FAM47E: variants seen among roughly 807,000 people sequenced by gnomAD.
The protein encoded by FAM47E is family with sequence similarity 47 member E.
A neutral mutation model predicts 41.6 loss-of-function variants in FAM47E; 32 were observed. The ratio of observed to expected loss-of-function variants is 0.77; its 90% CI spans 0.58 to 1.03. The LOEUF (loss-of-function observed/expected upper bound fraction) is 1.03, where lower values mean the gene tolerates loss of function less well. Ranked by LOEUF, FAM47E falls within the 50% of genes least tolerant of loss-of-function variation. The pLI is 0.00. For synonymous variants in FAM47E, 184 were observed against 188.7 expected (o/e 0.98, Z 0.20); for missense variants, 424 against 485.4 (o/e 0.87, Z 1.19).
At chr4:76,267,840 T>C (rs1734705292) in intron 3 of FAM47E, 1 of 152,118 alleles carries the variant, frequency 6.6e-6, no homozygotes, top group African/African-American at 2.4e-5. Context: ...AACAGGCAAA[T>C]CTACGGAGAC....
rs1334019264 is a variant in FAM47E at position 76,258,129 on chromosome 4, AT to A, written c.420+1607del. On this transcript the variant is annotated intron_variant, in intron 2 of 7. Transcript: ENST00000424749. ...GCTTGGGATTGTGGCGCTTATTTCCATGTGTGACTTCTGCAAATAGGTGTGT... is the reference window on the plus strand; with the variant it reads ...GCTTGGGATTGTGGCGCTTATTTCCAGTGTGACTTCTGCAAATAGGTGTGT... 1.4e-4 allele frequency among the ~76,000 whole-genome samples: 22 copies of A among 152,232 alleles called. No homozygotes were observed. The South Asian group carries it at 4.4e-3, about 30-fold the overall frequency.
intron 2 of FAM47E, among the ~76,000 whole-genome samples, chr4:76,240,797 C>T (rs908291310): frequency 6.6e-6 from 1 of 152,082 alleles, no homozygotes; most frequent in African/African-American, 2.4e-5. Flanking sequence ...CCATTATGTT[C>T]ATACATCATT....
In FAM47E at chr4:76,242,492, A is replaced by G. The variant is rs72858576; in HGVS notation, c.82-21212A>G. On this transcript the variant is annotated intron_variant, in intron 2 of 7. Coordinates refer to the FAM47E transcript ENST00000510197. ...AAACAAACCACTTTATAAATTACCC[A>G]GCCTGAATATTTCTTTAGAGCAATG... Among the ~76,000 whole-genome samples, 1,446 of 152,304 alleles carry G rather than the reference A, an allele frequency of 9.5e-3. 24 individuals are homozygous for G. Among genetic ancestry groups the G allele is most frequent in the African/African-American group, 0.033 (1,371 of 41,568 alleles).
chr4:76,251,860 G>C (rs1057029253), intron 1 of FAM47E, 40 bp downstream of exon 1: 1 of 1,369,648 alleles, frequency 7.3e-7, no homozygotes, highest in African/African-American at 1.5e-5. Flanking sequence ...CATCCCACGC[G>C]GGCCGCGCGG....
intron 1 of FAM47E, among the ~76,000 whole-genome samples, chr4:76,252,803 C>G (rs1242771686): frequency 6.6e-6 from 1 of 152,118 alleles, no homozygotes; most frequent in African/African-American, 2.4e-5. Context: ...GTACCCTTCC[C>G]CTAGCTGCTT....
At chr4:76,244,789 C>T (rs1228325065) in intron 2 of FAM47E, among the ~76,000 whole-genome samples, 4 of 152,110 alleles carry the variant, frequency 2.6e-5, no homozygotes, top group Non-Finnish European at 4.4e-5. Flanking sequence ...CCACCCACCT[C>T]GGCCTCCCAA....
At chr4:76,256,052 C>T in intron 1 of FAM47E, 126 bp from the exon 2 acceptor site, 1 of 1,098,022 alleles carries the variant, frequency 9.1e-7, no homozygotes, top group Non-Finnish European at 1.3e-6. Flanking sequence ...TCCCACTTCC[C>T]CTACCCCCAA....
chr4:76,259,103 T>G (rs535874087), intron 2 of FAM47E, among the ~76,000 whole-genome samples: 23 of 152,260 alleles, frequency 1.5e-4, no homozygotes, highest in Admixed American at 1.0e-3. Flanking sequence ...ACAGAGTAAG[T>G]GAAAATGCAG....
chr4:76,249,746 G>T (rs1733911957), upstream of FAM47E, among the ~76,000 whole-genome samples: 1 of 151,582 alleles, frequency 6.6e-6, no homozygotes, highest in African/African-American at 2.4e-5. Flanking sequence ...TTACACCTTT[G>T]CATCCCCATA....
chr4:76,265,453 T>G (rs539856809), intron 3 of FAM47E, among the ~76,000 whole-genome samples: 6 of 152,322 alleles, frequency 3.9e-5, no homozygotes, highest in Non-Finnish European at 7.4e-5. Context: ...CTCTCTGTAT[T>G]GTTTTTGAAG....
intron 2 of FAM47E, chr4:76,217,803 A>G (rs1733239364): frequency 2.5e-6 from 1 of 404,660 alleles, no homozygotes; most frequent in Admixed American, 4.3e-5. Flanking sequence ...TCTGAGAAGA[A>G]CAAGTACACT....
rs1734190003 is a variant in FAM47E, at chr4:76,256,309, TC to T, written c.209del (p.Pro70LeufsTer53). ...CPPCTGLVTQ[V>X]PVEGFLPQIY... ...CCTTGCACTGGTCTGGTGACTCAGG[TC>T]CCTGTGGAGGGCTTTCTGCCCCAGA... On this transcript the variant is annotated frameshift_variant, in exon 2 of 8. Coordinates refer to ENST00000424749, the MANE Select transcript of FAM47E (RefSeq NM_001136570.3). LOFTEE classifies it high-confidence loss of function. 6.4e-7 allele frequency: 1 copy of T among 1,551,544 alleles called. No individual in the cohort carries two copies. The highest frequency in any genetic ancestry group is 1.2e-5 in the South Asian group (1 of 84,066).
At chr4:76,236,795 T>C (rs1733594328) in intron 2 of FAM47E, 1 of 152,078 alleles carries the variant, frequency 6.6e-6, no homozygotes, top group Non-Finnish European at 1.5e-5. Context: ...AATGTCTGGG[T>C]TAAGACAAAG....
chr4:76,229,892 G>A (rs1351232901), intron 2 of FAM47E, among the ~76,000 whole-genome samples: 1 of 152,144 alleles, frequency 6.6e-6, no homozygotes, highest in Non-Finnish European at 1.5e-5. Flanking sequence ...AGTGAAATTA[G>A]GTGTTGTTTT....
At chr4:76,217,151 A>G (rs1013608742) in intron 1 of FAM47E, among the ~76,000 whole-genome samples, 1 of 152,174 alleles carries the variant, frequency 6.6e-6, no homozygotes, top group Admixed American at 6.5e-5. Context: ...ATCTCACCCT[A>G]TGAGAGACTT....
chr4:76,278,259 TTCAGATGATCACAGTGCA>T, intron 6 of FAM47E, 35 bp downstream of exon 6: 1 of 1,477,040 alleles, frequency 6.8e-7, no homozygotes, highest in South Asian at 1.4e-5. Flanking sequence ...TCATCTGAGC[TTCAGATGATCACAGTGCA>T]TCTGCCACCC....
chr4:76,232,079 G>C (rs1733502769), intron 2 of FAM47E, among the ~76,000 whole-genome samples: 1 of 152,172 alleles, frequency 6.6e-6, no homozygotes, highest in African/African-American at 2.4e-5. Context: ...AATTTTAGAG[G>C]AACCAGGCAG....
upstream of FAM47E, among the ~76,000 whole-genome samples, chr4:76,250,912 TCATCGAATATCCCCAA>T (rs1303295085): frequency 2.6e-5 from 4 of 152,142 alleles, no homozygotes; most frequent in Non-Finnish European, 4.4e-5. Flanking sequence ...TTCTTTATAT[TCATCGAATATCCCCAA>T]TAACCCTACA....
intron 2 of FAM47E, among the ~76,000 whole-genome samples, chr4:76,231,483 G>A (rs943214098): frequency 6.6e-6 from 1 of 152,062 alleles, no homozygotes; most frequent in Non-Finnish European, 1.5e-5. Context: ...TATATGATAG[G>A]TTTTGAAACA....
Sources: gnomAD v4.1 joint callset for allele counts (sites outside exome capture counted in the v4.1 genomes callset) on GRCh38, gnomAD v4.1.1 for gene constraint, MANE v1.5 for transcripts, NCBI Gene and HGNC (gene_info 2026-07-23, HGNC 2026-07-21) for gene names.